The following GRHL2 variants were observed in gnomAD, a reference collection of about 807,000 sequenced individuals.
The protein encoded by GRHL2 is grainyhead-like protein 2 homolog.
Under a neutral mutation model 83.8 loss-of-function variants are expected in GRHL2, and 21 were observed. The ratio of observed to expected loss-of-function variants is 0.25; its 90% CI spans 0.18 to 0.36. The LOEUF is 0.36. GRHL2 is among the 10% of genes least tolerant of loss of function. GRHL2 has a pLI of 1.00. For synonymous variants in GRHL2, 280 were observed against 278.9 expected (o/e 1.00, Z -0.04); for missense variants, 623 against 781.8 (o/e 0.80, Z 2.42).
chr8:101,578,606 G>T (rs967704453), intron 7 of GRHL2, among the ~76,000 whole-genome samples: 2 of 152,170 alleles, frequency 1.3e-5, no homozygotes, highest in African/African-American at 4.8e-5. Context: ...GTTTCCATAA[G>T]AAGTAAGTCA....
intron 1 of GRHL2, among the ~76,000 whole-genome samples, chr8:101,520,968 A>G (rs983837273): frequency 6.6e-6 from 1 of 152,220 alleles, no homozygotes; most frequent in African/African-American, 2.4e-5. Flanking sequence ...CATCCTAAGC[A>G]GCCCCATCTC....
intron 5 of GRHL2, 57 bp from the exon 6 acceptor site, chr8:101,573,611 A>C: frequency 1.2e-6 from 2 of 1,608,444 alleles, no homozygotes; most frequent in Non-Finnish European, 1.7e-6. Context: ...GAAATTGGTC[A>C]AAAGAGCAGA....
intron 9 of GRHL2, among the ~76,000 whole-genome samples, chr8:101,622,882 T>C (rs1812992929): frequency 6.6e-6 from 1 of 152,208 alleles, no homozygotes; most frequent in Non-Finnish European, 1.5e-5. Context: ...GTATCATTCT[T>C]ATGCCTTTGG....
chr8:101,576,643 T>C (rs1811939312), intron 6 of GRHL2, among the ~76,000 whole-genome samples: 1 of 152,068 alleles, frequency 6.6e-6, no homozygotes, highest in African/African-American at 2.4e-5. Flanking sequence ...ATTAAAGGGT[T>C]TTTTTTTGGA....
chr8:101,552,647 T>C, intron 2 of GRHL2, 68 bp from the exon 3 acceptor site: 2 of 1,431,028 alleles, frequency 1.4e-6, no homozygotes, highest in South Asian at 1.1e-5. Context: ...CTTATGCCGG[T>C]GTCCAGCTCT....
intron 13 of GRHL2, among the ~76,000 whole-genome samples, chr8:101,645,298 A>G (rs899402810): frequency 1.3e-5 from 2 of 151,860 alleles, no homozygotes; most frequent in East Asian, 1.9e-4. Context: ...ACGCCCAGCT[A>G]ATTTTTGTAT....
chr8:101,573,667 G>A lies in GRHL2; in HGVS notation c.735-1G>A. 1 of 1,614,200 alleles carries A rather than the reference G, an allele frequency of 6.2e-7. No individual in the cohort carries two copies. Among genetic ancestry groups the A allele is most frequent in the Non-Finnish European group, 8.5e-7 (1 of 1,180,038 alleles). On this transcript the variant is annotated splice_acceptor_variant, in intron 5 of 15. Transcript: ENST00000646743. LOFTEE classifies it high-confidence loss of function. ...TGACCGCTGTTTGTTTTCTTTCACA[G>A]TGGCACATTTCAGTACACCCTGGAA...
At position 101,617,691 on chromosome 8, in the gene GRHL2, G is replaced by A. The variant is rs188731338; in HGVS notation, c.1099-1848G>A. Among the ~76,000 whole-genome samples the A allele has an allele frequency of 4.6e-5, 7 of 152,246 alleles. No individual in the cohort carries two copies. The South Asian group carries it at 8.3e-4, about 18-fold the overall frequency. On this transcript the variant is annotated intron_variant, in intron 8 of 15. Transcript: ENST00000646743. ...GGCTAATTTTTAAACTTTTTGTAGA[G>A]ATGGGATCTCACTATGTTGCCCAGG...
chr8:101,671,855 C>A (rs1033666336), downstream of GRHL2, among the ~76,000 whole-genome samples: 4 of 152,202 alleles, frequency 2.6e-5, no homozygotes, highest in African/African-American at 9.7e-5. Flanking sequence ...GAGGAACGAT[C>A]ACGCAGCAGC....
chr8:101,620,946 C>T (rs1037362432), intron 9 of GRHL2, among the ~76,000 whole-genome samples: 2 of 150,028 alleles, frequency 1.3e-5, no homozygotes, highest in Admixed American at 6.6e-5. Flanking sequence ...AAAAAATTAT[C>T]GGAGTAAAGT....
Position 101,653,392 on chromosome 8 carries a change from C to T in GRHL2, c.1698+3893C>T, listed in dbSNP as rs540630366. On this transcript the variant is annotated intron_variant, in intron 14 of 15. Transcript: ENST00000646743. Reference sequence around the variant, plus strand: ...CTCAGGCCATCACTTTGAACTCTGTCACTGGTTGAAAATGGCTTCCCATAA... The same window carrying T: ...CTCAGGCCATCACTTTGAACTCTGTTACTGGTTGAAAATGGCTTCCCATAA... Among the ~76,000 whole-genome samples the T allele has an allele frequency of 2.4e-3, 366 of 152,270 alleles. 2 individuals carry two copies. The highest frequency in any genetic ancestry group is 4.4e-3 in the Non-Finnish European group (299 of 68,012).
chr8:101,579,302 C>T (rs1013291044), intron 7 of GRHL2, among the ~76,000 whole-genome samples: 2 of 152,192 alleles, frequency 1.3e-5, no homozygotes, highest in African/African-American at 4.8e-5. Context: ...ACTGGCATAC[C>T]TGTTGATCCA....
chr8:101,509,157 C>CTTTCTTTTCTCT (rs1554581566), intron 1 of GRHL2, among the ~76,000 whole-genome samples: 1 of 27,406 alleles, frequency 3.6e-5, no homozygotes, highest in African/African-American at 8.6e-5. Context: ...TTCCTTCCTT[C>CTTTCTTTTCTCT]CTTTCTTTCT....
the GRHL2 span, among the ~76,000 whole-genome samples, chr8:101,678,371 C>T: frequency 5.3e-5 from 8 of 152,122 alleles, no homozygotes; most frequent in Non-Finnish European, 1.0e-4. Flanking sequence ...TGCGCTTTTC[C>T]GACGGGCTTA....
intron 1 of GRHL2, chr8:101,542,803 A>G: frequency 2.2e-6 from 1 of 456,718 alleles, no homozygotes; most frequent in Non-Finnish European, 4.4e-6. Flanking sequence ...GGGTAAAGAG[A>G]GAGTAAGATG....
intron 1 of GRHL2, 66 bp from the exon 2 acceptor site, chr8:101,543,175 A>G (rs1311349736): frequency 3.6e-6 from 4 of 1,125,824 alleles, no homozygotes; most frequent in Non-Finnish European, 5.4e-6. Context: ...TGTAATATGT[A>G]TATTATTAGG....
chr8:101,604,154 C>A (rs986569261), intron 8 of GRHL2, among the ~76,000 whole-genome samples: 7 of 151,898 alleles, frequency 4.6e-5, no homozygotes, highest in Non-Finnish European at 8.8e-5. Context: ...CATATTCTTT[C>A]ACATGACTCC....
At chr8:101,643,835 G>A (rs1813453049) in intron 12 of GRHL2, among the ~76,000 whole-genome samples, 1 of 152,260 alleles carries the variant, frequency 6.6e-6, no homozygotes, top group South Asian at 2.1e-4. Context: ...CAGAAAGAAG[G>A]GATAGGTGTA....
Position 101,666,724 on chromosome 8 carries a change from T to C in GRHL2, c.*21T>C, listed in dbSNP as rs1303276083. 6.8e-7 allele frequency: 1 copy of C among 1,469,758 alleles called. No individual in the cohort carries two copies. Among genetic ancestry groups the C allele is most frequent in the East Asian group, 2.3e-5 (1 of 44,208 alleles). 91.0% of individuals were successfully genotyped at this position (1,469,758 alleles called of 1,614,324 possible). The stretch of plus-strand genomic sequence containing the variant: ...TCTAGCCCTGGGTTTGGCATCCGCT[T>C]TGGCTGGAGCTCTCAGTGCGTTCCT... On this transcript the variant is annotated 3_prime_UTR_variant, in exon 16 of 16. Coordinates refer to ENST00000646743, the MANE Select transcript of GRHL2 (RefSeq NM_024915.4).
Sources: allele counts gnomAD v4.1 joint callset (sites outside exome capture counted in the v4.1 genomes callset), GRCh38; gene constraint gnomAD v4.1.1; transcripts MANE v1.5; gene names NCBI Gene and HGNC (gene_info 2026-07-23, HGNC 2026-07-21).